Variants in PIK3C2G observed in about 807,000 individuals in gnomAD.
The protein encoded by PIK3C2G is phosphatidylinositol 3-kinase C2 domain-containing subunit gamma.
PIK3C2G carries 168 observed loss-of-function variants against 181.1 expected under a neutral mutation model. The ratio of observed to expected loss-of-function variants is 0.93; its 90% CI spans 0.82 to 1.05. The LOEUF is 1.05. Ranked by LOEUF, PIK3C2G falls within the 50% of genes least tolerant of loss-of-function variation. The probability of loss-of-function intolerance (pLI) is 0.00; values close to 1 mark genes in which losing one functional copy is unlikely to be tolerated. For synonymous variants in PIK3C2G, 573 were observed against 592.2 expected (o/e 0.97, Z 0.47); for missense variants, 1,869 against 1,732.8 (o/e 1.08, Z -1.40).
At chr12:18,598,875 C>G (rs1947534371) in intron 30 of PIK3C2G, among the ~76,000 whole-genome samples, 1 of 151,844 alleles carries the variant, frequency 6.6e-6, no homozygotes, top group African/African-American at 2.4e-5. Flanking sequence ...GACATTTATG[C>G]AGCCAAAAAA....
chr12:18,592,868 G>C (rs1037709036), intron 29 of PIK3C2G, among the ~76,000 whole-genome samples: 1 of 151,934 alleles, frequency 6.6e-6, no homozygotes, highest in Non-Finnish European at 1.5e-5. Context: ...CACAGGTAAA[G>C]GGTTCAGCAT....
At position 18,488,522 on chromosome 12, in the gene PIK3C2G, T is replaced by G. The variant is rs1373010776; in HGVS notation, c.2578T>G (p.Cys860Gly). Reference protein sequence around the residue: ...YQKLLAALQFCAGKALNDEFS... With the variant: ...YQKLLAALQFGAGKALNDEFS... Reference sequence around the variant, plus strand: ...GAAGCTACTAGCTGCTCTCCAATTCTGTGCAGGTAAAGCCTTGAATGATGA... The same window carrying G: ...GAAGCTACTAGCTGCTCTCCAATTCGGTGCAGGTAAAGCCTTGAATGATGA... The change falls in exon 19 of 33, where the codon TGT becomes GGT. Residue 860 changes from cysteine (C) to glycine (G), a missense_variant. Coordinates refer to ENST00000538779, the MANE Select transcript of PIK3C2G (RefSeq NM_001288772.2). The G allele has an allele frequency of 1.3e-6, 2 of 1,589,522 alleles. No individual in the cohort carries two copies. Among genetic ancestry groups the G allele is most frequent in the African/African-American group, 2.7e-5 (2 of 73,422 alleles).
chr12:18,350,511 G>A (rs1254537665), intron 11 of PIK3C2G, among the ~76,000 whole-genome samples: 2 of 152,128 alleles, frequency 1.3e-5, no homozygotes, highest in African/African-American at 4.8e-5. Flanking sequence ...TCAAGACGAT[G>A]CCCTTTTTAT....
intron 22 of PIK3C2G, among the ~76,000 whole-genome samples, chr12:18,500,267 C>T (rs1015527000): frequency 6.6e-6 from 1 of 152,102 alleles, no homozygotes; most frequent in African/African-American, 2.4e-5. Flanking sequence ...CCGGCCCGGG[C>T]AATGAGGAGC....
the PIK3C2G span, chr12:18,684,358 CTT>C: frequency 1.4e-6 from 2 of 1,402,766 alleles, no homozygotes; most frequent in Non-Finnish European, 2.0e-6. Flanking sequence ...GTTCTCCAAA[CTT>C]TTTCTTTTCA....
Position 18,449,033 on chromosome 12 carries a change from T to C in PIK3C2G, c.2504+24994T>C, listed in dbSNP as rs566825116. ...GAGGGATTGCTGGATCATATGGTAG[T>C]TCTATTTTTAATTTTTTGAGAAACT... is the stretch of plus-strand genomic sequence containing the variant. On this transcript the variant is annotated intron_variant, in intron 18 of 32. Transcript: ENST00000538779. 2.6e-5 allele frequency among the ~76,000 whole-genome samples: 4 copies of C among 152,116 alleles called. No individual in the cohort carries two copies. In the South Asian group the frequency reaches 8.3e-4, roughly 32 times the overall value.
At chr12:18,663,486 T>A in the PIK3C2G span, among the ~76,000 whole-genome samples, 1 of 152,168 alleles carries the variant, frequency 6.6e-6, no homozygotes, top group Non-Finnish European at 1.5e-5. Flanking sequence ...ATGCAAATAC[T>A]ATGCTATTTT....
chr12:18,659,985 T>TA, the PIK3C2G span, among the ~76,000 whole-genome samples: 1 of 152,014 alleles, frequency 6.6e-6, no homozygotes, highest in East Asian at 1.9e-4. Flanking sequence ...TAAGTAAATG[T>TA]AAAAAACAAA....
Position 18,381,809 on chromosome 12 carries a change from A to G in PIK3C2G, c.1924A>G (p.Ser642Gly), listed in dbSNP as rs1423437743. Residue 642 changes from serine (S) to glycine (G), a missense_variant, in exon 14 of 33, where the codon AGT (serine) becomes GGT (glycine). Transcript: ENST00000538779. ...GSMLFSMTLQ[S>G]EPPVEMITPG... is the part of the protein sequence containing the mutation. Reference sequence around the variant, plus strand: ...TATGCTGTTCAGCATGACATTACAGAGTGAGCCTCCCGTAGAAATGATAAC... The same window carrying G: ...TATGCTGTTCAGCATGACATTACAGGGTGAGCCTCCCGTAGAAATGATAAC... The G allele has an allele frequency of 6.2e-7, 1 of 1,613,658 alleles. No homozygotes were observed. Among genetic ancestry groups the G allele is most frequent in the African/African-American group, 1.3e-5 (1 of 74,920 alleles).
chr12:18,431,983 T>C (rs911526354), intron 18 of PIK3C2G, among the ~76,000 whole-genome samples: 2 of 152,200 alleles, frequency 1.3e-5, no homozygotes, highest in Non-Finnish European at 2.9e-5. Flanking sequence ...GTTTCCTTTG[T>C]ACACAATAAT....
chr12:18,447,143 A>G (rs1288429996), intron 18 of PIK3C2G, among the ~76,000 whole-genome samples: 2 of 152,058 alleles, frequency 1.3e-5, no homozygotes, highest in Non-Finnish European at 2.9e-5. Flanking sequence ...TGTTACCCCT[A>G]TTTGGTTCGT....
chr12:18,367,107 C>G (rs1941696759), intron 12 of PIK3C2G, among the ~76,000 whole-genome samples: 2 of 152,080 alleles, frequency 1.3e-5, no homozygotes, highest in Non-Finnish European at 2.9e-5. Flanking sequence ...AAAGAACATT[C>G]TAGATCATGT....
the PIK3C2G span, among the ~76,000 whole-genome samples, chr12:18,719,978 T>G: frequency 6.6e-6 from 1 of 152,072 alleles, no homozygotes; most frequent in East Asian, 1.9e-4. Context: ...AGCATTGCAG[T>G]GTTCCAGAAG....
intron 18 of PIK3C2G, among the ~76,000 whole-genome samples, chr12:18,466,643 A>C (rs1937910605): frequency 6.6e-6 from 1 of 152,000 alleles, no homozygotes; most frequent in Admixed American, 6.6e-5. Flanking sequence ...CAAAAAGCTT[A>C]AACATTTGTC....
At position 18,264,529 on chromosome 12, in the gene PIK3C2G, C is replaced by G. The variant is rs1047247744; in HGVS notation, c.-79+2952C>G. ...AAAATGCTGTTTTGTTGAGTATTGG[C>G]TTATATTCTTCATATTTCCACCTCC... On this transcript the variant is annotated intron_variant, in intron 1 of 32. Coordinates refer to ENST00000538779, the MANE Select transcript of PIK3C2G (RefSeq NM_001288772.2). Among the ~76,000 whole-genome samples, 8 of 152,020 alleles carry G rather than the reference C, an allele frequency of 5.3e-5. No homozygotes were observed. In the South Asian group the frequency reaches 1.7e-3, roughly 32 times the overall value.
chr12:18,653,173 A>C (rs1950593008), downstream of PIK3C2G, among the ~76,000 whole-genome samples: 1 of 152,174 alleles, frequency 6.6e-6, no homozygotes, highest in Non-Finnish European at 1.5e-5. Flanking sequence ...GCAGTAGCAG[A>C]GACCCACTCC....
intron 31 of PIK3C2G, among the ~76,000 whole-genome samples, chr12:18,617,836 A>C (rs1948674755): frequency 6.6e-6 from 1 of 152,126 alleles, no homozygotes; most frequent in Non-Finnish European, 1.5e-5. Context: ...GAGGATAAAG[A>C]GCAAAAGATA....
chr12:18,320,482 A>C (rs958826226), intron 6 of PIK3C2G, among the ~76,000 whole-genome samples: 1 of 152,242 alleles, frequency 6.6e-6, no homozygotes, highest in African/African-American at 2.4e-5. Context: ...TTTAGTGCTC[A>C]TGGAATGGAA....
chr12:18,688,688 ACT>A, the PIK3C2G span, among the ~76,000 whole-genome samples: 1 of 151,940 alleles, frequency 6.6e-6, no homozygotes, highest in Non-Finnish European at 1.5e-5. Context: ...TATATTAGGG[ACT>A]GGGTATCAAA....
Sources: allele counts gnomAD v4.1 joint callset (sites outside exome capture counted in the v4.1 genomes callset), GRCh38; gene constraint gnomAD v4.1.1; transcripts MANE v1.5; gene names NCBI Gene and HGNC (gene_info 2026-07-23, HGNC 2026-07-21).